Variants in C2 observed in about 807,000 individuals in gnomAD.
The protein encoded by C2 is complement C2.
In C2, 64 loss-of-function variants were observed where a neutral mutation model predicts 85.2. That is an observed-to-expected ratio of 0.75 (90% CI 0.61 to 0.92). The LOEUF is 0.92. Among genes scored for constraint, C2 ranks in the 40% least tolerant of loss-of-function variants. The pLI is 0.00. For synonymous variants in C2, 311 were observed against 370.8 expected, an observed-to-expected ratio of 0.84 and a Z score of 1.85; for missense variants, 820 against 971.6, an observed-to-expected ratio of 0.84 and a Z score of 2.07.
chr6:31,916,019 A>G (rs2151720654), upstream of C2, among the ~76,000 whole-genome samples: 1 of 152,332 alleles, frequency 6.6e-6, no homozygotes, highest in South Asian at 2.1e-4. Flanking sequence ...AGAGACCAGT[A>G]TATGGATGGA....
rs759240195 is a variant in C2 at position 31,935,883 on chromosome 6, T to C, written c.850-40T>C. ...GCTCTCTTACCATCTCCCCTTTGGC[T>C]TCAGGGCCCTTTACGCTGCCTCTCA... On this transcript the variant is annotated intron_variant, in intron 6 of 17. Coordinates refer to ENST00000299367, the MANE Select transcript of C2 (RefSeq NM_000063.6). This position sits in a 1 kb window ranked among gnomAD's most constrained non-coding sequence, Gnocchi z 4.3. 1 of 1,611,232 alleles carries C rather than the reference T, an allele frequency of 6.2e-7. No homozygotes were observed. The highest frequency in any genetic ancestry group is 1.3e-5 in the African/African-American group (1 of 74,874).
At chr6:31,934,587 G>A (rs1770254162) in intron 6 of C2, 1 of 1,432,862 alleles carries the variant, frequency 7.0e-7, no homozygotes. Flanking sequence ...CCACAGAAAG[G>A]TAGTGAGATA....
At chr6:31,908,512 G>A (rs573278192) in intron 1 of C2, among the ~76,000 whole-genome samples, 21 of 151,518 alleles carry the variant, frequency 1.4e-4, no homozygotes, top group African/African-American at 4.6e-4. Flanking sequence ...AATTAGCTGG[G>A]TGTGGTGGGG....
chr6:31,918,872 G>C (rs1175683091), upstream of C2, among the ~76,000 whole-genome samples: 1 of 116,768 alleles, frequency 8.6e-6, no homozygotes, highest in Non-Finnish European at 1.7e-5. Flanking sequence ...GACAGAGCAA[G>C]ACTCTGTCTC....
intron 1 of C2, among the ~76,000 whole-genome samples, chr6:31,903,368 G>A (rs1326957151): frequency 6.6e-6 from 1 of 152,196 alleles, no homozygotes; most frequent in Non-Finnish European, 1.5e-5. Context: ...GGTGGCTCAC[G>A]CCTGTAATCC....
At chr6:31,898,990 G>C (rs1432089881), upstream of C2, among the ~76,000 whole-genome samples, 1 of 151,858 alleles carries the variant, frequency 6.6e-6, no homozygotes. Flanking sequence ...GTGACCTCTA[G>C]GTATTAAGAA....
rs1175299937 is a variant in C2 at position 31,920,128 on chromosome 6, G to T, written c.-100+102G>T. The T allele has an allele frequency of 6.6e-6, 1 of 152,532 alleles. No individual in the cohort carries two copies. Among genetic ancestry groups the T allele is most frequent in the Admixed American group, 6.5e-5 (1 of 15,278 alleles). The allele number at this position is 152,532 out of a possible 1,614,324, so 9.4% of individuals were successfully genotyped here. A position where few individuals can be genotyped will look rare whatever the true frequency, so the allele number is the denominator to read the frequency against. On this transcript the variant is annotated intron_variant, in intron 1 of 3. Coordinates refer to the C2 transcript ENST00000413154. This position sits in a 1 kb window ranked among gnomAD's most constrained non-coding sequence, Gnocchi z 5.6. Reference sequence around the variant, plus strand: ...GAATTCCTCATACCACACTGGGGCTGGGGCCAGAGACGGGGCAGGAGGAGC... The same window carrying T: ...GAATTCCTCATACCACACTGGGGCTTGGGCCAGAGACGGGGCAGGAGGAGC...
upstream of C2, chr6:31,899,850 C>G: frequency 6.8e-7 from 1 of 1,460,278 alleles, no homozygotes; most frequent in Non-Finnish European, 9.1e-7. Flanking sequence ...CCCCACCCCC[C>G]AATTCTCCTG....
At chr6:31,901,102 C>T (rs1378686205) in exon 1 of C2, 10 of 1,613,974 alleles carry the variant, frequency 6.2e-6, no homozygotes, top group African/African-American at 1.3e-5. Context: ...CCTGCAGCTC[C>T]GAGCTGGGGT....
chr6:31,940,424 A>C (rs987278485), intron 9 of C2, among the ~76,000 whole-genome samples: 3 of 151,634 alleles, frequency 2.0e-5, no homozygotes, highest in Admixed American at 1.3e-4. Context: ...CAGCTGGCTA[A>C]CTAAGGCTTT....
chr6:31,925,714 T>C (rs1769219725), upstream of C2, among the ~76,000 whole-genome samples: 1 of 152,190 alleles, frequency 6.6e-6, no homozygotes, highest in African/African-American at 2.4e-5. Context: ...CAGGAAGTGA[T>C]ACATATCACT....
At position 31,920,477 on chromosome 6, in the gene C2, G is replaced by A. The variant is rs1036783806; in HGVS notation, c.-100+451G>A. Among the ~76,000 whole-genome samples, 4 of 152,138 alleles carry A rather than the reference G, an allele frequency of 2.6e-5. No homozygotes were observed. The highest frequency in any genetic ancestry group is 4.4e-5 in the Non-Finnish European group (3 of 67,998). On this transcript the variant is annotated intron_variant, in intron 1 of 3. Coordinates refer to the C2 transcript ENST00000413154. The surrounding 1 kb of genome is among the most constrained non-coding windows in gnomAD (Gnocchi z 5.6). Reference sequence around the variant, plus strand: ...AGCTGGGGTTGGGGTGGTGAGGACCGGAGCCAGGGCAATTCAGCCATAGGC... The same window carrying A: ...AGCTGGGGTTGGGGTGGTGAGGACCAGAGCCAGGGCAATTCAGCCATAGGC...
At position 31,935,202 on chromosome 6, in the gene C2, A is replaced by G. The variant is rs1770305533; in HGVS notation, c.850-721A>G. 3.2e-6 allele frequency: 1 copy of G among 312,336 alleles called. No individual in the cohort carries two copies. Among genetic ancestry groups the G allele is most frequent in the Non-Finnish European group, 4.7e-6 (1 of 214,768 alleles). The allele number at this position is 312,336 out of a possible 1,614,324, so 19.3% of individuals were successfully genotyped here. A position where few individuals can be genotyped will look rare whatever the true frequency, so the allele number is the denominator to read the frequency against. On this transcript the variant is annotated intron_variant, in intron 6 of 17. Coordinates refer to ENST00000299367, the MANE Select transcript of C2 (RefSeq NM_000063.6). This position sits in a 1 kb window ranked among gnomAD's most constrained non-coding sequence, Gnocchi z 4.3. ...AGTTTCTGTGCTCTCTTGGGACTCA[A>G]AATTAAGTAACTCATTGCACTGCGA... is the stretch of plus-strand genomic sequence containing the variant.
Position 31,933,873 on chromosome 6 carries a change from A to ACT in C2, c.626_627dup (p.Tyr210LeufsTer45). The stretch of plus-strand genomic sequence containing the variant: ...TGTGTGGCTCTCCCCACAGAACCCT[A>ACT]CTCTTATGACTTCCCTGAGGACGTG... On this transcript the variant is annotated frameshift_variant, in exon 5 of 18. Transcript: ENST00000299367. LOFTEE classifies it high-confidence loss of function. The ACT allele has an allele frequency of 6.2e-7, 1 of 1,613,604 alleles. No homozygotes were observed. The highest frequency in any genetic ancestry group is 1.7e-5 in the Admixed American group (1 of 59,988).
Position 31,935,774 on chromosome 6 carries a change from A to T in C2, c.850-149A>T, listed in dbSNP as rs1411040724. On this transcript the variant is annotated intron_variant, in intron 6 of 17. Coordinates refer to ENST00000299367, the MANE Select transcript of C2 (RefSeq NM_000063.6). This position sits in a 1 kb window ranked among gnomAD's most constrained non-coding sequence, Gnocchi z 4.3. ...GCGCCCAGCCCCTAGCTTCTTCCTAACAGCCATTTCCTAGTGTCTCCCCTG... is the reference window on the plus strand; with the variant it reads ...GCGCCCAGCCCCTAGCTTCTTCCTATCAGCCATTTCCTAGTGTCTCCCCTG... 5 of 865,500 alleles carry T rather than the reference A, an allele frequency of 5.8e-6. No individual in the cohort carries two copies. The highest frequency in any genetic ancestry group is 9.5e-6 in the Non-Finnish European group (5 of 524,040). 53.6% of individuals were successfully genotyped at this position (865,500 alleles called of 1,614,324 possible). A position where few individuals can be genotyped will look rare whatever the true frequency, so the allele number is the denominator to read the frequency against.
Position 31,943,334 on chromosome 6 carries a change from G to A in C2, c.1455+15G>A. 4 of 1,537,482 alleles carry A rather than the reference G, an allele frequency of 2.6e-6. No homozygotes were observed. The highest frequency in any genetic ancestry group is 3.6e-6 in the Non-Finnish European group (4 of 1,111,230). On this transcript the variant is annotated intron_variant, in intron 11 of 17. Coordinates refer to ENST00000299367, the MANE Select transcript of C2 (RefSeq NM_000063.6). This position sits in a 1 kb window ranked among gnomAD's most constrained non-coding sequence, Gnocchi z 6.4. ...TCACTATTAAGGTACCAGGAAGGAGGGGCAGGGCTTGGATTCCAGAGGTAA... is the reference window on the plus strand; with the variant it reads ...TCACTATTAAGGTACCAGGAAGGAGAGGCAGGGCTTGGATTCCAGAGGTAA...
intron 3 of C2, among the ~76,000 whole-genome samples, chr6:31,931,285 TG>T (rs1769720240): frequency 1.3e-5 from 2 of 150,240 alleles, no homozygotes; most frequent in African/African-American, 2.4e-5. Context: ...TTTTTTTAAT[TG>T]ATCATTCTTG....
chr6:31,923,178 A>C (rs568561582), upstream of C2, among the ~76,000 whole-genome samples: 2 of 152,228 alleles, frequency 1.3e-5, no homozygotes, highest in African/African-American at 2.4e-5. Context: ...CGAGGGGAAT[A>C]AAGGTCTGGC....
At chr6:31,901,696 GC>G (rs560054595) in intron 1 of C2, 2,083 of 191,068 alleles carry the variant, frequency 0.011, 17 homozygotes, top group Middle Eastern at 0.052. Flanking sequence ...TCATTCCTCC[GC>G]CCCCCCCTTA....
Sources: gnomAD v4.1 joint callset for allele counts (sites outside exome capture counted in the v4.1 genomes callset) on GRCh38, gnomAD v4.1.1 for gene constraint, Gnocchi (gnomAD v3.1) non-coding constraint, MANE v1.5 for transcripts, NCBI Gene and HGNC (gene_info 2026-07-23, HGNC 2026-07-21) for gene names.